The following WWOX variants were observed in gnomAD, a reference collection of about 807,000 sequenced individuals.
WWOX encodes WW domain containing oxidoreductase, also known as WW domain-containing oxidoreductase.
In WWOX, 69 loss-of-function variants were observed where a neutral mutation model predicts 46.2. The observed-to-expected ratio is 1.49, with a 90% CI of 1.23 to 1.82. The LOEUF (loss-of-function observed/expected upper bound fraction) is 1.82, where lower values mean the gene tolerates loss of function less well. Among genes scored for constraint, WWOX ranks in the 40% most tolerant of loss-of-function variants. The pLI is 0.00. For missense variants in WWOX, 919 were observed against 542.6 expected (o/e 1.69, Z -6.89); for synonymous variants, 359 against 202.6 (o/e 1.77, Z -6.56).
chr16:78,375,545 C>T (rs771715066), intron 5 of WWOX, among the ~76,000 whole-genome samples: 24 of 152,254 alleles, frequency 1.6e-4, no homozygotes, highest in Middle Eastern at 3.4e-3. Context: ...TTTTAATTTA[C>T]GATAAATGTC....
At chr16:78,620,953 C>T (rs976874742) in intron 8 of WWOX, among the ~76,000 whole-genome samples, 9 of 152,130 alleles carry the variant, frequency 5.9e-5, no homozygotes, top group Non-Finnish European at 1.0e-4. Context: ...GAGATTAAAG[C>T]ATCTCACTGT....
intron 8 of WWOX, among the ~76,000 whole-genome samples, chr16:79,095,930 A>G (rs1184126814): frequency 2.8e-5 from 4 of 143,022 alleles, no homozygotes; most frequent in Non-Finnish European, 6.0e-5. Context: ...GCTCACTGCA[A>G]CCTCTGCCTC....
intron 8 of WWOX, among the ~76,000 whole-genome samples, chr16:78,585,980 T>C (rs918113181): frequency 3.9e-5 from 6 of 152,042 alleles, no homozygotes; most frequent in Non-Finnish European, 5.9e-5. Context: ...GGGGATCCCT[T>C]GAGCCCAGGA....
intron 8 of WWOX, among the ~76,000 whole-genome samples, chr16:78,462,499 T>C (rs1395965430): frequency 3.3e-5 from 5 of 152,192 alleles, no homozygotes; most frequent in South Asian, 2.1e-4. Context: ...TAAATTGTTG[T>C]AAGGTCAGGT....
intron 6 of WWOX, among the ~76,000 whole-genome samples, chr16:78,420,463 C>G (rs1286241358): frequency 2.6e-5 from 4 of 152,036 alleles, no homozygotes; most frequent in African/African-American, 7.2e-5. Flanking sequence ...CTGATATATG[C>G]TACAACATGG....
intron 8 of WWOX, among the ~76,000 whole-genome samples, chr16:79,052,375 T>C (rs2048184926): frequency 6.6e-6 from 1 of 152,260 alleles, no homozygotes; most frequent in Non-Finnish European, 1.5e-5. Context: ...GAACTCATCC[T>C]TTTTTATGGC....
intron 8 of WWOX, among the ~76,000 whole-genome samples, chr16:79,074,332 G>T (rs2150571129): frequency 7.0e-6 from 1 of 143,242 alleles, no homozygotes; most frequent in South Asian, 2.4e-4. Context: ...TTAAATGAGA[G>T]AAGTAAACAT....
intron 8 of WWOX, among the ~76,000 whole-genome samples, chr16:79,051,804 C>G (rs2048172459): frequency 6.6e-6 from 1 of 152,218 alleles, no homozygotes; most frequent in Admixed American, 6.5e-5. Context: ...TGCTAACATT[C>G]TTAAATATCT....
At chr16:79,120,622 C>T (rs1015454145) in intron 8 of WWOX, among the ~76,000 whole-genome samples, 14 of 152,212 alleles carry the variant, frequency 9.2e-5, no homozygotes, top group African/African-American at 3.1e-4. Context: ...CTTCTGGGGA[C>T]ACTAGAGGAG....
chr16:79,060,492 A>G (rs17647827), intron 8 of WWOX, among the ~76,000 whole-genome samples: 5,375 of 152,290 alleles, frequency 0.035, 129 homozygotes, highest in Middle Eastern at 0.085. Context: ...AATTTTTCCA[A>G]TTTGTGCTTA....
intron 8 of WWOX, among the ~76,000 whole-genome samples, chr16:78,605,957 C>G (rs76881469): frequency 6.6e-6 from 1 of 152,222 alleles, no homozygotes; most frequent in Non-Finnish European, 1.5e-5. Context: ...GACTCAGCAT[C>G]TGAATTGAAT....
At chr16:78,918,815 G>A (rs890383548) in intron 8 of WWOX, among the ~76,000 whole-genome samples, 2 of 152,094 alleles carry the variant, frequency 1.3e-5, no homozygotes, top group African/African-American at 2.4e-5. Flanking sequence ...AACTTAAATT[G>A]GCTTCTCTCT....
chr16:79,194,047 G>A (rs1597463461), intron 8 of WWOX, among the ~76,000 whole-genome samples: 1 of 152,278 alleles, frequency 6.6e-6, no homozygotes, highest in African/African-American at 2.4e-5. Context: ...TCTAGCTAAC[G>A]TGGTTGTTAT....
chr16:78,779,144 T>G (rs1190283013), intron 8 of WWOX, among the ~76,000 whole-genome samples: 1 of 152,144 alleles, frequency 6.6e-6, no homozygotes, highest in Non-Finnish European at 1.5e-5. Context: ...GACTCCAACT[T>G]GTCTTTTTTG....
chr16:79,035,777 G>T (rs2047854468), intron 8 of WWOX, among the ~76,000 whole-genome samples: 1 of 151,974 alleles, frequency 6.6e-6, no homozygotes, highest in Non-Finnish European at 1.5e-5. Flanking sequence ...GATCTCAGGT[G>T]TTCCAAGAAC....
intron 4 of WWOX, among the ~76,000 whole-genome samples, chr16:78,160,687 A>G (rs2034765192): frequency 1.3e-5 from 2 of 152,208 alleles, no homozygotes. Flanking sequence ...TTTGAAATTC[A>G]TTGAGACTTG....
intron 5 of WWOX, among the ~76,000 whole-genome samples, chr16:78,231,600 T>A (rs12923828): frequency 0.12 from 18,183 of 152,224 alleles, 1,278 homozygotes; most frequent in Non-Finnish European, 0.15. Context: ...TATGGTGTTT[T>A]TCATTGTTAA....
intron 8 of WWOX, among the ~76,000 whole-genome samples, chr16:78,439,964 G>C (rs1002278379): frequency 2.0e-5 from 3 of 152,298 alleles, no homozygotes; most frequent in Admixed American, 2.0e-4. Flanking sequence ...TTCTGCTTCA[G>C]AACTGTCCTC....
chr16:79,037,874 G>A (rs2047898419), intron 8 of WWOX, among the ~76,000 whole-genome samples: 1 of 152,046 alleles, frequency 6.6e-6, no homozygotes, highest in African/African-American at 2.4e-5. Context: ...GTGGCCGACT[G>A]TGCCAGTAGA....
Sources: allele counts gnomAD v4.1 joint callset (sites outside exome capture counted in the v4.1 genomes callset), GRCh38; gene constraint gnomAD v4.1.1; transcripts MANE v1.5; gene names NCBI Gene and HGNC (gene_info 2026-07-23, HGNC 2026-07-21).